The following RLF variants were observed in gnomAD, a reference collection of about 807,000 sequenced individuals.
The protein encoded by RLF is zinc finger protein Rlf.
A neutral mutation model predicts 162.9 loss-of-function variants in RLF; 7 were observed. The ratio of observed to expected loss-of-function variants is 0.04; its 90% CI spans 0.02 to 0.08. RLF has a LOEUF of 0.08. Ranked by LOEUF, RLF falls within the 10% of genes least tolerant of loss-of-function variation. The probability of loss-of-function intolerance (pLI) is 1.00; values close to 1 mark genes in which losing one functional copy is unlikely to be tolerated. For synonymous variants in RLF, 782 were observed against 791.5 expected (o/e 0.99, Z 0.20); for missense variants, 1,664 against 2,244.7 (o/e 0.74, Z 5.23).
intron 1 of RLF, among the ~76,000 whole-genome samples, chr1:40,182,104 A>T (rs536241514): frequency 1.8e-4 from 28 of 152,282 alleles, no homozygotes; most frequent in South Asian, 1.2e-3. Flanking sequence ...ACGTTATAGC[A>T]TGATTCTATT....
At chr1:40,191,547 A>C (rs1344349747) in intron 3 of RLF, among the ~76,000 whole-genome samples, 1 of 151,638 alleles carries the variant, frequency 6.6e-6, no homozygotes, top group Non-Finnish European at 1.5e-5. Context: ...CGGAAAAAAA[A>C]AAAAAAGACA....
chr1:40,214,651 G>A (rs555318410), intron 5 of RLF, among the ~76,000 whole-genome samples: 2 of 152,230 alleles, frequency 1.3e-5, no homozygotes, highest in East Asian at 3.9e-4. Context: ...CAGGTGAGGT[G>A]CCTCACACCT....
chr1:40,223,929 TCC>T (rs1643029239), intron 6 of RLF, among the ~76,000 whole-genome samples: 1 of 152,244 alleles, frequency 6.6e-6, no homozygotes, highest in East Asian at 1.9e-4. Context: ...TACCACCAAA[TCC>T]ACTATGCCAG....
intron 4 of RLF, among the ~76,000 whole-genome samples, chr1:40,197,169 T>C (rs1642648777): frequency 6.6e-6 from 1 of 152,152 alleles, no homozygotes. Flanking sequence ...TAAAGGCACT[T>C]AGATTTTCTC....
At chr1:40,167,006 T>TA (rs1032730521) in intron 1 of RLF, among the ~76,000 whole-genome samples, 61 of 151,486 alleles carry the variant, frequency 4.0e-4, no homozygotes, top group Non-Finnish European at 5.0e-4. Flanking sequence ...AGTATAATTT[T>TA]AAAAAAAAAG....
chr1:40,224,041 C>T (rs898139059), intron 6 of RLF, among the ~76,000 whole-genome samples: 15 of 152,238 alleles, frequency 9.9e-5, no homozygotes, highest in African/African-American at 3.4e-4. Flanking sequence ...GTTTTCAGTA[C>T]GAATAATAAA....
chr1:40,237,605 C>G lies in RLF; in HGVS notation c.2903C>G (p.Ala968Gly). Residue 968 changes from alanine (A) to glycine (G), a missense_variant, in exon 8 of 8, where the codon GCA becomes GGA. By Grantham distance (60) the Ala-to-Gly change is moderately conservative (BLOSUM62 0). Coordinates refer to ENST00000372771, the MANE Select transcript of RLF (RefSeq NM_012421.4). This position sits in a 1 kb window ranked among gnomAD's most constrained non-coding sequence, Gnocchi z 4.4. ...GGCTGTGGTTCCACATACAAAAATG[C>G]AAGAGGAATGCAGAAACATTTACGG... ...FDGCGSTYKN[A>G]RGMQKHLRKV... 6.2e-7 allele frequency: 1 copy of G among 1,614,086 alleles called. No individual in the cohort carries two copies. Among genetic ancestry groups the G allele is most frequent in the Non-Finnish European group, 8.5e-7 (1 of 1,180,002 alleles).
Position 40,235,776 on chromosome 1 carries a change from C to T in RLF, c.1090-16C>T, listed in dbSNP as rs1570566669. 6.8e-7 allele frequency: 1 copy of T among 1,472,496 alleles called. No homozygotes were observed. The allele number at this position is 1,472,496 out of a possible 1,614,324, so 91.2% of individuals were successfully genotyped here. ...GTATGCAAAAAAATAATTTTTTTAT[C>T]CTCTTTTACTTACAGGCACAAGATG... On this transcript the variant is annotated splice_polypyrimidine_tract_variant and intron_variant, in intron 7 of 7. Coordinates refer to ENST00000372771, the MANE Select transcript of RLF (RefSeq NM_012421.4).
chr1:40,202,366 G>T (rs1055284674), intron 4 of RLF, 46 bp from the exon 5 acceptor site: 1 of 1,227,518 alleles, frequency 8.1e-7, no homozygotes, highest in Non-Finnish European at 1.1e-6. Context: ...AGTCTGACAT[G>T]TTATGTGGTA....
chr1:40,164,086 A>T (rs1642134202), intron 1 of RLF, among the ~76,000 whole-genome samples: 1 of 152,234 alleles, frequency 6.6e-6, no homozygotes, highest in East Asian at 1.9e-4. Context: ...GTGGGAGCCT[A>T]GTTAAGACAG....
chr1:40,182,753 GTAGA>G (rs10591738), intron 1 of RLF, among the ~76,000 whole-genome samples: 63,503 of 148,464 alleles, frequency 0.43, 14,283 homozygotes, highest in East Asian at 0.52. Flanking sequence ...AGATAGATAG[GTAGA>G]TAGATAGATA....
chr1:40,216,697 A>G (rs1642928710), intron 5 of RLF, among the ~76,000 whole-genome samples: 3 of 152,220 alleles, frequency 2.0e-5, no homozygotes, highest in South Asian at 4.1e-4. Context: ...ACACTTCCCA[A>G]CTTATGCTAT....
At chr1:40,214,943 A>AAAAC (rs1557753895) in intron 5 of RLF, among the ~76,000 whole-genome samples, 1 of 144,630 alleles carries the variant, frequency 6.9e-6, no homozygotes, top group African/African-American at 2.6e-5. Flanking sequence ...AAAAAAAAAA[A>AAAAC]AACTAAAGTA....
rs1427705455 is a variant in RLF at position 40,237,990 on chromosome 1, T to C, written c.3288T>C (p.Leu1096=). The change falls in exon 8 of 8, where the codon CTT becomes CTC. Residue 1096 remains leucine (L), a synonymous_variant. Coordinates refer to ENST00000372771, the MANE Select transcript of RLF (RefSeq NM_012421.4). The surrounding 1 kb of genome is among the most constrained non-coding windows in gnomAD (Gnocchi z 4.4). ...QGYPSSGAKS[L]QSVSSISDLN... is the part of the protein sequence containing the mutation. ...ACCCATCCAGTGGTGCTAAGTCTCT[T>C]CAGTCAGTTTCATCTATCTCAGACC... is the stretch of plus-strand genomic sequence containing the variant. 6.2e-7 allele frequency: 1 copy of C among 1,614,140 alleles called. No homozygotes were observed. The highest frequency in any genetic ancestry group is 1.7e-5 in the Admixed American group (1 of 60,022).
intron 1 of RLF, among the ~76,000 whole-genome samples, chr1:40,179,549 T>C (rs905764156): frequency 6.8e-6 from 1 of 147,870 alleles, no homozygotes; most frequent in South Asian, 2.1e-4. Context: ...GTTAACTCTT[T>C]TTTTTTTTTT....
chr1:40,235,910 C>T lies in RLF; in HGVS notation c.1208C>T (p.Pro403Leu). The change falls in exon 8 of 8, where the codon CCA (proline) becomes CTA (leucine). Residue 403 changes from proline (P) to leucine (L), a missense_variant. Physicochemically the swap from Pro to Leu is moderately conservative, Grantham distance 98. This residue lies in a region of RLF where 287 missense variants were observed against 404.9 expected (regional missense o/e 0.71). Coordinates refer to ENST00000372771, the MANE Select transcript of RLF (RefSeq NM_012421.4). ...SVCKTIACLL[P>L]EDLEVRRACQ... The stretch of plus-strand genomic sequence containing the variant: ...TGTAAAACAATTGCCTGTCTTTTAC[C>T]AGAAGATTTAGAAGTTAGACGAGCC... 6 of 1,613,946 alleles carry T rather than the reference C, an allele frequency of 3.7e-6. No homozygotes were observed. Among genetic ancestry groups the T allele is most frequent in the Non-Finnish European group, 5.1e-6 (6 of 1,179,952 alleles).
Position 40,238,903 on chromosome 1 carries a change from G to T in RLF, c.4201G>T (p.Ala1401Ser). ...HIEEPKVLSE[A>S]GSAARFSCNQ... is the part of the protein sequence containing the mutation. ...TGAAGAGCCTAAAGTACTTTCCGAA[G>T]CTGGATCTGCAGCAAGGTTTTCTTG... The change falls in exon 8 of 8, where the codon GCT (alanine) becomes TCT (serine). Residue 1401 changes from alanine (A) to serine (S), a missense_variant. Coordinates refer to ENST00000372771, the MANE Select transcript of RLF (RefSeq NM_012421.4). The surrounding 1 kb of genome is among the most constrained non-coding windows in gnomAD (Gnocchi z 5.2). The T allele has an allele frequency of 6.2e-7, 1 of 1,614,204 alleles. No homozygotes were observed. Among genetic ancestry groups the T allele is most frequent in the African/African-American group, 1.3e-5 (1 of 75,056 alleles).
Position 40,240,053 on chromosome 1 carries a change from A to G in RLF, c.5351A>G (p.Glu1784Gly). The change falls in exon 8 of 8, where the codon GAA (glutamate) becomes GGA (glycine). Residue 1784 changes from glutamate (E) to glycine (G), a missense_variant. Physicochemically the swap from Glu to Gly is moderately conservative, Grantham distance 98 (BLOSUM62 -2). Transcript: ENST00000372771. ...LKFIQESEEK[E>G]DDFDDWEPSE... ...TTTATTCAGGAAAGTGAAGAGAAAGAAGATGATTTTGATGATTGGGAGCCT... is the reference window on the plus strand; with the variant it reads ...TTTATTCAGGAAAGTGAAGAGAAAGGAGATGATTTTGATGATTGGGAGCCT... 1 of 1,614,164 alleles carries G rather than the reference A, an allele frequency of 6.2e-7. No individual in the cohort carries two copies. Among genetic ancestry groups the G allele is most frequent in the Non-Finnish European group, 8.5e-7 (1 of 1,180,010 alleles).
At chr1:40,190,897 C>T (rs1211124725) in intron 3 of RLF, 44 bp downstream of exon 3, 4 of 1,218,672 alleles carry the variant, frequency 3.3e-6, no homozygotes, top group Non-Finnish European at 3.5e-6. Flanking sequence ...ATCCAAGACA[C>T]CTAATTAATT....
Sources: allele counts gnomAD v4.1 joint callset (sites outside exome capture counted in the v4.1 genomes callset), GRCh38; gene constraint gnomAD v4.1.1; regional missense constraint gnomAD v4.1.1; non-coding constraint Gnocchi (gnomAD v3.1); transcripts MANE v1.5; gene names NCBI Gene and HGNC (gene_info 2026-07-23, HGNC 2026-07-21).